The following LTAP1 variants were observed in gnomAD, a reference collection of about 807,000 sequenced individuals.
LTAP1 encodes the protein HCV NS5A-transactivated protein 4.
the LTAP1 span, among the ~76,000 whole-genome samples, chr1:154,209,635 G>C: frequency 2.0e-5 from 3 of 151,770 alleles, no homozygotes; most frequent in Middle Eastern, 3.4e-3. Context: ...TGCCCAGGCT[G>C]GAGTGCAGTG....
At chr1:154,214,103 C>T in the LTAP1 span, among the ~76,000 whole-genome samples, 2 of 151,946 alleles carry the variant, frequency 1.3e-5, no homozygotes, top group African/African-American at 4.8e-5. Context: ...CATGGAGAAA[C>T]CCCGTCTCTA....
At chr1:154,219,556 T>A in the LTAP1 span, among the ~76,000 whole-genome samples, 5 of 152,182 alleles carry the variant, frequency 3.3e-5, no homozygotes, top group Non-Finnish European at 7.4e-5. Context: ...TAAGATGAGC[T>A]GGGAAATATT....
the LTAP1 span, chr1:154,211,910 A>C: frequency 1.7e-5 from 3 of 172,636 alleles, no homozygotes; most frequent in Admixed American, 1.7e-4. Context: ...AGGCTGGAGT[A>C]TAATGGCACG....
At chr1:154,216,633 G>C in the LTAP1 span, among the ~76,000 whole-genome samples, 1 of 151,950 alleles carries the variant, frequency 6.6e-6, no homozygotes, top group African/African-American at 2.4e-5. Context: ...TCCTGCCTCA[G>C]CCTCCCAAGT....
chr1:154,220,438 G>T, the LTAP1 span: 1 of 1,613,802 alleles, frequency 6.2e-7, no homozygotes, highest in Non-Finnish European at 8.5e-7. Context: ...AATTGTTCGG[G>T]TTTACCCCGC....
At chr1:154,220,206 T>C in the LTAP1 span, 1 of 1,090,616 alleles carries the variant, frequency 9.2e-7, no homozygotes, top group Non-Finnish European at 1.4e-6. Flanking sequence ...AACTCCCACC[T>C]ACTCCTGGAA....
chr1:154,207,338 G>T, the LTAP1 span: 1 of 922,842 alleles, frequency 1.1e-6, no homozygotes, highest in Non-Finnish European at 1.7e-6. Context: ...CGGGAACTTG[G>T]ATGGATACAG....
chr1:154,212,705 G>T, the LTAP1 span: 1 of 1,513,306 alleles, frequency 6.6e-7, no homozygotes, highest in Admixed American at 1.8e-5. Flanking sequence ...CTGTCACCCG[G>T]GCTGGAGTGC....
At chr1:154,220,576 G>C in the LTAP1 span, 2 of 671,144 alleles carry the variant, frequency 3.0e-6, no homozygotes, top group Admixed American at 2.7e-5. Flanking sequence ...ACAGGCAGGA[G>C]AGCTGGGAAA....
At chr1:154,212,191 A>C in the LTAP1 span, 1 of 1,000,752 alleles carries the variant, frequency 1.0e-6, no homozygotes, top group Non-Finnish European at 1.6e-6. Context: ...CTGATCTAAT[A>C]GTCTAGAACC....
the LTAP1 span, chr1:154,207,800 G>A: frequency 2.9e-6 from 2 of 683,260 alleles, no homozygotes; most frequent in South Asian, 3.9e-5. Context: ...ACCCCATCTA[G>A]TAGCTTAGAA....
chr1:154,210,349 C>G, the LTAP1 span, among the ~76,000 whole-genome samples: 81 of 152,284 alleles, frequency 5.3e-4, no homozygotes, highest in African/African-American at 1.7e-3. Flanking sequence ...TTGGCCCTTT[C>G]ATCTTTTAAG....
chr1:154,210,108 G>C, the LTAP1 span, among the ~76,000 whole-genome samples: 1 of 151,796 alleles, frequency 6.6e-6, no homozygotes, highest in Non-Finnish European at 1.5e-5. Flanking sequence ...GCACAATCTC[G>C]GCTCACTGCA....
At chr1:154,215,983 G>A in the LTAP1 span, among the ~76,000 whole-genome samples, 3 of 151,526 alleles carry the variant, frequency 2.0e-5, no homozygotes, top group Non-Finnish European at 2.9e-5. Flanking sequence ...GACTACAGGC[G>A]CCCGCCACCA....
the LTAP1 span, among the ~76,000 whole-genome samples, chr1:154,208,112 TAGC>T: frequency 6.9e-6 from 1 of 145,454 alleles, no homozygotes; most frequent in Non-Finnish European, 1.5e-5. Flanking sequence ...AAAAAAAAAG[TAGC>T]AGAGAGGCTG....
At chr1:154,210,061 C>T in the LTAP1 span, among the ~76,000 whole-genome samples, 1 of 151,948 alleles carries the variant, frequency 6.6e-6, no homozygotes. Flanking sequence ...TTCATCTTTT[C>T]GAGACAGACT....
the LTAP1 span, chr1:154,212,675 T>A: frequency 1.2e-6 from 2 of 1,604,870 alleles, no homozygotes; most frequent in African/African-American, 2.7e-5. Context: ...TAGTCTTTTT[T>A]TTTGAGATGG....
At chr1:154,215,973 G>A in the LTAP1 span, among the ~76,000 whole-genome samples, 1 of 152,010 alleles carries the variant, frequency 6.6e-6, no homozygotes, top group African/African-American at 2.4e-5. Flanking sequence ...GAGTAGCTGG[G>A]ACTACAGGCG....
chr1:154,219,828 G>A, the LTAP1 span: 12 of 1,587,054 alleles, frequency 7.6e-6, no homozygotes, highest in South Asian at 1.2e-5. Context: ...TGTGCCCTAA[G>A]GACCTACCTT....
Sources: gnomAD v4.1 joint callset for allele counts (sites outside exome capture counted in the v4.1 genomes callset) on GRCh38, gnomAD v4.1.1 for gene constraint, MANE v1.5 for transcripts, NCBI Gene and HGNC (gene_info 2026-07-23, HGNC 2026-07-21) for gene names.